The following DLG2 variants were observed in gnomAD, a reference collection of about 807,000 sequenced individuals.
DLG2 encodes the protein disks large homolog 2.
A neutral mutation model predicts 132.5 loss-of-function variants in DLG2; 45 were observed. The ratio of observed to expected loss-of-function variants is 0.34; its 90% CI spans 0.27 to 0.44. The LOEUF is 0.44. Ranked by LOEUF, DLG2 falls within the 20% of genes least tolerant of loss-of-function variation. The pLI is 1.00. For missense variants in DLG2, 1,045 were observed against 1,196.9 expected (o/e 0.87, Z 1.87); for synonymous variants, 424 against 419.6 (o/e 1.01, Z -0.13).
intron 6 of DLG2, among the ~76,000 whole-genome samples, chr11:85,075,125 T>C (rs1593698259): frequency 6.6e-6 from 1 of 151,910 alleles, no homozygotes; most frequent in Admixed American, 6.6e-5. Context: ...TTATTTTATC[T>C]AAAAAGACCG....
At chr11:84,179,189 T>C (rs908099778) in intron 8 of DLG2, among the ~76,000 whole-genome samples, 2 of 152,050 alleles carry the variant, frequency 1.3e-5, no homozygotes, top group Non-Finnish European at 2.9e-5. Flanking sequence ...TCATGAAAAT[T>C]TTGGAGTCAA....
chr11:85,317,002 G>T (rs2080729021), intron 3 of DLG2, among the ~76,000 whole-genome samples: 1 of 151,952 alleles, frequency 6.6e-6, no homozygotes, highest in South Asian at 2.1e-4. Context: ...CTGTTCTGAA[G>T]TGTCAGAAAT....
At chr11:83,500,632 G>A (rs1348260520) in intron 21 of DLG2, among the ~76,000 whole-genome samples, 7 of 150,582 alleles carry the variant, frequency 4.6e-5, no homozygotes, top group African/African-American at 7.3e-5. Flanking sequence ...CTGTCAGCTA[G>A]GGGGGTTATT....
intron 6 of DLG2, among the ~76,000 whole-genome samples, chr11:84,844,766 T>C (rs1259689327): frequency 1.3e-5 from 2 of 152,134 alleles, no homozygotes; most frequent in African/African-American, 4.8e-5. Context: ...GTGTATGACA[T>C]AAAATTGTGC....
intron 18 of DLG2, chr11:83,646,604 C>T (rs2068265401): frequency 6.6e-6 from 1 of 152,480 alleles, no homozygotes; most frequent in Non-Finnish European, 1.5e-5. Flanking sequence ...CACTCAGCCT[C>T]CTCTGGATCT....
chr11:83,545,697 C>T (rs2096221783), intron 19 of DLG2, among the ~76,000 whole-genome samples: 1 of 152,128 alleles, frequency 6.6e-6, no homozygotes, highest in Non-Finnish European at 1.5e-5. Flanking sequence ...AACTTTCCCA[C>T]TCCTGCTGTT....
At chr11:85,057,855 G>T (rs987970511) in intron 6 of DLG2, among the ~76,000 whole-genome samples, 1 of 151,352 alleles carries the variant, frequency 6.6e-6, no homozygotes, top group East Asian at 1.9e-4. Context: ...AAAAAATATG[G>T]TAATTTTAAT....
intron 9 of DLG2, 49 bp from the exon 10 acceptor site, chr11:84,099,096 CCTAGTTCCT>C (rs778554129): frequency 6.4e-7 from 1 of 1,564,242 alleles, no homozygotes; most frequent in South Asian, 1.1e-5. Flanking sequence ...TCACCTAAAA[CCTAGTTCCT>C]CTTGCACTCT....
intron 6 of DLG2, among the ~76,000 whole-genome samples, chr11:84,574,551 A>C (rs1256649348): frequency 6.6e-6 from 1 of 152,188 alleles, no homozygotes; most frequent in Non-Finnish European, 1.5e-5. Context: ...AAAGCTCCTT[A>C]AAATCTTTGC....
intron 6 of DLG2, among the ~76,000 whole-genome samples, chr11:85,003,369 A>T (rs865817856): frequency 1.1e-4 from 17 of 152,182 alleles, no homozygotes; most frequent in African/African-American, 3.1e-4. Context: ...GGAAATTGCA[A>T]GAAGGTGACA....
intron 4 of DLG2, among the ~76,000 whole-genome samples, chr11:85,263,807 A>T (rs2077065046): frequency 6.6e-6 from 1 of 152,206 alleles, no homozygotes. Context: ...AGAGGTCCCC[A>T]TACGGGTCAC....
rs2099212822 is a variant in DLG2 at position 84,502,222 on chromosome 11, CCTTCCTTCCTTCCT to C, written c.519+32334_519+32347del. ...TCTCTCCTTCCTTCCTTCCTTCCTT[CCTTCCTTCCTTCCT>C]TCCTTCCTTCCTTCCTTCCTTCCTT... is the stretch of plus-strand genomic sequence containing the variant. On this transcript the variant is annotated intron_variant, in intron 7 of 27. Coordinates refer to ENST00000376104, the MANE Select transcript of DLG2 (RefSeq NM_001142699.3). Among the ~76,000 whole-genome samples, 24 of 12,808 alleles carry C rather than the reference CCTTCCTTCCTTCCT, an allele frequency of 1.9e-3. 2 individuals are homozygous for C. The highest frequency in any genetic ancestry group is 2.6e-3 in the Non-Finnish European group (18 of 7,026). 8.4% of individuals were successfully genotyped at this position (12,808 alleles called of 152,430 possible).
At chr11:84,130,524 A>ATGTGTGTGTG (rs1566633125) in intron 9 of DLG2, among the ~76,000 whole-genome samples, 1 of 123,902 alleles carries the variant, frequency 8.1e-6, no homozygotes, top group East Asian at 2.1e-4. Context: ...ACACACACAC[A>ATGTGTGTGTG]TATATGTGTG....
intron 18 of DLG2, among the ~76,000 whole-genome samples, chr11:83,662,906 T>C (rs2074681193): frequency 6.6e-6 from 1 of 152,152 alleles, no homozygotes; most frequent in African/African-American, 2.4e-5. Context: ...TCTTACAGTT[T>C]CCTCAGACTC....
chr11:84,600,732 G>T (rs1390059891), intron 6 of DLG2, among the ~76,000 whole-genome samples: 2 of 152,042 alleles, frequency 1.3e-5, no homozygotes, highest in Non-Finnish European at 2.9e-5. Flanking sequence ...CCTCTTATAG[G>T]ATAGCATTTT....
intron 14 of DLG2, among the ~76,000 whole-genome samples, chr11:83,934,594 T>C (rs1339629166): frequency 1.3e-5 from 2 of 152,140 alleles, no homozygotes; most frequent in African/African-American, 2.4e-5. Flanking sequence ...ACCTACAAGG[T>C]CAAAGGAATA....
rs554852576 is a variant in DLG2, at chr11:83,512,787, GT to G, written c.2193+19920del. Among the ~76,000 whole-genome samples the G allele has an allele frequency of 8.9e-4, 136 of 152,054 alleles. 2 individuals are homozygous for G. The highest frequency in any genetic ancestry group is 7.5e-3 in the South Asian group (36 of 4,792). On this transcript the variant is annotated intron_variant, in intron 21 of 27. Transcript: ENST00000376104. ...TATGAGTGAGAACGTGAGCTGTTTG[GT>G]TTTTTGTCCTTGCGATAGTTTGCTG...
intron 16 of DLG2, among the ~76,000 whole-genome samples, chr11:83,854,792 T>C (rs1391005879): frequency 1.3e-5 from 2 of 152,098 alleles, no homozygotes; most frequent in Non-Finnish European, 2.9e-5. Flanking sequence ...TTTTAACATA[T>C]GTAAACATAT....
chr11:85,250,812 G>A (rs541883701), intron 4 of DLG2, among the ~76,000 whole-genome samples: 1 of 152,094 alleles, frequency 6.6e-6, no homozygotes, highest in Admixed American at 6.6e-5. Flanking sequence ...GCCCTATAAG[G>A]AGCCCTAAAA....
Sources: allele counts gnomAD v4.1 joint callset (sites outside exome capture counted in the v4.1 genomes callset), GRCh38; gene constraint gnomAD v4.1.1; transcripts MANE v1.5; gene names NCBI Gene and HGNC (gene_info 2026-07-23, HGNC 2026-07-21).